The following ANKS1B variants were observed in gnomAD, a reference collection of about 807,000 sequenced individuals.
ANKS1B encodes ankyrin repeat and sterile alpha motif domain-containing protein 1B.
A neutral mutation model predicts 148.3 loss-of-function variants in ANKS1B; 36 were observed. The observed-to-expected ratio is 0.24, with a 90% CI of 0.19 to 0.32. ANKS1B has a LOEUF of 0.32. ANKS1B is among the 10% of genes least tolerant of loss of function. ANKS1B has a pLI of 1.00. For synonymous variants in ANKS1B, 542 were observed against 560.8 expected, an observed-to-expected ratio of 0.97 and a Z score of 0.47; for missense variants, 1,157 against 1,542.6, an observed-to-expected ratio of 0.75 and a Z score of 4.19.
intron 9 of ANKS1B, among the ~76,000 whole-genome samples, chr12:99,642,536 G>C (rs1033325688): frequency 6.6e-6 from 1 of 152,088 alleles, no homozygotes; most frequent in Non-Finnish European, 1.5e-5. Context: ...AGAGAATCTA[G>C]GGGGCATGGT....
intron 9 of ANKS1B, among the ~76,000 whole-genome samples, chr12:99,600,120 A>T (rs1597860880): frequency 1.3e-5 from 2 of 151,930 alleles, no homozygotes; most frequent in Non-Finnish European, 2.9e-5. Flanking sequence ...ACCATTTTGG[A>T]AAATTATCTT....
At chr12:99,685,123 A>G (rs1483961790) in intron 8 of ANKS1B, among the ~76,000 whole-genome samples, 1 of 152,008 alleles carries the variant, frequency 6.6e-6, no homozygotes, top group African/African-American at 2.4e-5. Flanking sequence ...AATAATCAGC[A>G]GAGTAAACAG....
At chr12:99,093,118 C>G (rs2054635985) in intron 15 of ANKS1B, among the ~76,000 whole-genome samples, 1 of 152,124 alleles carries the variant, frequency 6.6e-6, no homozygotes, top group Admixed American at 6.5e-5. Flanking sequence ...GAAGTTACTC[C>G]CATGACCCTA....
At chr12:99,783,133 G>A (rs1300211485) in intron 4 of ANKS1B, among the ~76,000 whole-genome samples, 1 of 151,424 alleles carries the variant, frequency 6.6e-6, no homozygotes, top group Non-Finnish European at 1.5e-5. Context: ...GGAGGTTGCA[G>A]TGAGCCGAGA....
At chr12:99,449,606 G>C (rs2095692352) in intron 10 of ANKS1B, among the ~76,000 whole-genome samples, 1 of 152,164 alleles carries the variant, frequency 6.6e-6, no homozygotes, top group African/African-American at 2.4e-5. Flanking sequence ...GCACATAATA[G>C]GGGTTTTCAG....
At chr12:99,826,936 C>A (rs1226485638) in intron 1 of ANKS1B, among the ~76,000 whole-genome samples, 1 of 151,932 alleles carries the variant, frequency 6.6e-6, no homozygotes, top group East Asian at 1.9e-4. Flanking sequence ...CATAACAAGA[C>A]TCCATGTCTG....
downstream of ANKS1B, among the ~76,000 whole-genome samples, chr12:98,741,998 G>A (rs892350040): frequency 1.3e-5 from 2 of 152,198 alleles, no homozygotes; most frequent in African/African-American, 4.8e-5. Flanking sequence ...GCTTTGAATG[G>A]TTTTTATTAC....
At chr12:99,153,044 A>G (rs1192159245) in intron 15 of ANKS1B, among the ~76,000 whole-genome samples, 1 of 152,168 alleles carries the variant, frequency 6.6e-6, no homozygotes, top group African/African-American at 2.4e-5. Context: ...AAAAAAACCA[A>G]CAAATCACTC....
Position 99,603,821 on chromosome 12 carries a change from T to C in ANKS1B, c.1272+51246A>G, listed in dbSNP as rs139379070. Among the ~76,000 whole-genome samples the C allele has an allele frequency of 3.1e-4, 47 of 152,208 alleles. 1 individual carries two copies. The highest frequency in any genetic ancestry group is 1.1e-3 in the African/African-American group (46 of 41,570). ...CAGAAAACTTTCAAATAAAAAGTCATGAAAACATTTCCTCATCAGTTGATT... is the reference window on the plus strand; with the variant it reads ...CAGAAAACTTTCAAATAAAAAGTCACGAAAACATTTCCTCATCAGTTGATT... On this transcript the variant is annotated intron_variant, in intron 9 of 26. Coordinates refer to ENST00000683438, the MANE Select transcript of ANKS1B (RefSeq NM_001352186.2).
At chr12:99,329,856 GT>G (rs1411132814) in intron 12 of ANKS1B, among the ~76,000 whole-genome samples, 1 of 151,836 alleles carries the variant, frequency 6.6e-6, no homozygotes, top group East Asian at 1.9e-4. Context: ...TGTGATGAAC[GT>G]TTTTCAAAGA....
intron 12 of ANKS1B, among the ~76,000 whole-genome samples, chr12:99,302,196 G>T (rs2081734295): frequency 6.6e-6 from 1 of 152,000 alleles, no homozygotes; most frequent in South Asian, 2.1e-4. Context: ...ATATTTTTTG[G>T]AATAAATGAT....
At chr12:99,970,264 C>G (rs1285816283) in intron 1 of ANKS1B, among the ~76,000 whole-genome samples, 1 of 151,864 alleles carries the variant, frequency 6.6e-6, no homozygotes, top group Non-Finnish European at 1.5e-5. Flanking sequence ...TGGAGGACAT[C>G]TATGAAAAGT....
intron 14 of ANKS1B, among the ~76,000 whole-genome samples, chr12:99,160,066 G>A (rs1408104053): frequency 6.6e-6 from 1 of 152,116 alleles, no homozygotes; most frequent in African/African-American, 2.4e-5. Flanking sequence ...CATTTTTAAT[G>A]TGGTTATTTA....
intron 1 of ANKS1B, among the ~76,000 whole-genome samples, chr12:99,849,296 C>T (rs1376009347): frequency 6.6e-6 from 1 of 151,936 alleles, no homozygotes; most frequent in Non-Finnish European, 1.5e-5. Context: ...CACATATACA[C>T]ATAGTTGTTC....
At chr12:99,854,310 C>G (rs2088598780) in intron 1 of ANKS1B, among the ~76,000 whole-genome samples, 1 of 152,064 alleles carries the variant, frequency 6.6e-6, no homozygotes, top group Non-Finnish European at 1.5e-5. Context: ...CCACTCCCGG[C>G]CAAGACAAGG....
At chr12:99,393,278 C>T (rs1341365915) in intron 12 of ANKS1B, among the ~76,000 whole-genome samples, 1 of 152,150 alleles carries the variant, frequency 6.6e-6, no homozygotes, top group African/African-American at 2.4e-5. Context: ...GATGGGTTCT[C>T]AGGTCATTCA....
chr12:98,953,743 A>G (rs907841800), intron 17 of ANKS1B, among the ~76,000 whole-genome samples: 2 of 152,026 alleles, frequency 1.3e-5, no homozygotes, highest in African/African-American at 4.8e-5. Context: ...ACCTCCCACA[A>G]GCTGACTCCA....
intron 14 of ANKS1B, among the ~76,000 whole-genome samples, chr12:99,159,591 T>C (rs1262774794): frequency 6.6e-6 from 1 of 152,236 alleles, no homozygotes; most frequent in African/African-American, 2.4e-5. Flanking sequence ...TAGTATTCAA[T>C]GGTATATATG....
At chr12:98,770,403 ATT>A (rs2098550675) in intron 25 of ANKS1B, among the ~76,000 whole-genome samples, 1 of 152,218 alleles carries the variant, frequency 6.6e-6, no homozygotes, top group South Asian at 2.1e-4. Context: ...TTTTACAAGA[ATT>A]GCAAGTTATG....
Sources: allele counts gnomAD v4.1 joint callset (sites outside exome capture counted in the v4.1 genomes callset), GRCh38; gene constraint gnomAD v4.1.1; transcripts MANE v1.5; gene names NCBI Gene and HGNC (gene_info 2026-07-23, HGNC 2026-07-21).